MEIOC: variants seen among roughly 807,000 people sequenced by gnomAD.
The protein encoded by MEIOC is meiosis-specific coiled-coil domain-containing protein MEIOC.
In MEIOC, 9 loss-of-function variants were observed where a neutral mutation model predicts 85.3. The observed-to-expected ratio is 0.11, with a 90% CI of 0.06 to 0.18. MEIOC has a LOEUF of 0.18. Among genes scored for constraint, MEIOC ranks in the 10% least tolerant of loss-of-function variants. MEIOC has a pLI of 1.00. For missense variants in MEIOC, 898 were observed against 1,129.4 expected (o/e 0.80, Z 2.94); for synonymous variants, 365 against 393.7 (o/e 0.93, Z 0.86).
intron 2 of MEIOC, among the ~76,000 whole-genome samples, chr17:44,658,988 TG>T (rs1971809488): frequency 6.6e-6 from 1 of 152,098 alleles, no homozygotes; most frequent in Non-Finnish European, 1.5e-5. Flanking sequence ...AATTTAAAGG[TG>T]AAAATTTCAC....
intron 5 of MEIOC, among the ~76,000 whole-genome samples, chr17:44,669,127 C>A (rs576745513): frequency 2.2e-4 from 34 of 151,976 alleles, no homozygotes; most frequent in African/African-American, 8.0e-4. Context: ...CGCTTGAACC[C>A]GGGAAACGGA....
intron 2 of MEIOC, 39 bp downstream of exon 2, chr17:44,657,300 C>T: frequency 3.3e-6 from 5 of 1,528,990 alleles, no homozygotes; most frequent in Non-Finnish European, 4.4e-6. Flanking sequence ...ACGATTTATT[C>T]TCAAATGGAT....
intron 2 of MEIOC, among the ~76,000 whole-genome samples, chr17:44,661,643 C>T (rs1441862273): frequency 1.3e-5 from 2 of 152,000 alleles, no homozygotes; most frequent in Admixed American, 6.6e-5. Flanking sequence ...GCTCCGCCTC[C>T]CGGGTTCATG....
At position 44,674,069 on chromosome 17, in the gene MEIOC, CA is replaced by C; in HGVS notation, c.2737del (p.Thr913GlnfsTer8). 13 of 1,551,602 alleles carry C rather than the reference CA, an allele frequency of 8.4e-6. No homozygotes were observed. Among genetic ancestry groups the C allele is most frequent in the Non-Finnish European group, 1.0e-5 (12 of 1,146,998 alleles). ...ALWCALQMTL[P>X]KTASTADVVK... ...TGGTGTGCACTGCAGATGACCTTGC[CA>C]AAAACAGCCAGTACAGCTGATGTGG... On this transcript the variant is annotated frameshift_variant, in exon 8 of 8. Coordinates refer to ENST00000409122, the MANE Select transcript of MEIOC (RefSeq NM_001145080.3). LOFTEE classifies it high-confidence loss of function.
At chr17:44,665,540 T>A in intron 4 of MEIOC, 52 bp downstream of exon 4, 1 of 829,368 alleles carries the variant, frequency 1.2e-6, no homozygotes, top group South Asian at 3.2e-5. Context: ...TAACATACAC[T>A]AGTTTACCCT....
At position 44,668,038 on chromosome 17, in the gene MEIOC, A is replaced by G; in HGVS notation, c.2127A>G (p.Leu709=). The G allele has an allele frequency of 6.2e-7, 1 of 1,613,532 alleles. No homozygotes were observed. Among genetic ancestry groups the G allele is most frequent in the Non-Finnish European group, 8.5e-7 (1 of 1,179,592 alleles). The change falls in exon 5 of 8, where the codon TTA becomes TTG. Residue 709 remains leucine, a synonymous_variant. Transcript: ENST00000409122. ...SVVPLLDSYD[L]LSYDDLSHLY... is the part of the protein sequence containing the mutation. ...TTCCACTGTTGGATTCCTATGACTT[A>G]CTTTCTTATGATGACTTAAGCCATT...
rs1354912393 is a variant in MEIOC, at chr17:44,667,970, G to T, written c.2059G>T (p.Gly687Trp). Residue 687 changes from glycine to tryptophan, a missense_variant, in exon 5 of 8, where the codon GGG (glycine) becomes TGG (tryptophan). Around this residue, in one of 2 missense-constraint regions of MEIOC, gnomAD observed 734 missense variants for 860.1 expected, o/e 0.85. Coordinates refer to ENST00000409122, the MANE Select transcript of MEIOC (RefSeq NM_001145080.3). Reference protein sequence around the residue: ...NQCFQQLGSNGFPLRSTHPFG... With the variant: ...NQCFQQLGSNWFPLRSTHPFG... Reference sequence around the variant, plus strand: ...GTGTTTTCAACAACTTGGTTCAAATGGGTTTCCCCTAAGATCCACCCACCC... The same window carrying T: ...GTGTTTTCAACAACTTGGTTCAAATTGGTTTCCCCTAAGATCCACCCACCC... 1.2e-5 allele frequency: 20 copies of T among 1,613,794 alleles called. No individual in the cohort carries two copies. Among genetic ancestry groups the T allele is most frequent in the Non-Finnish European group, 1.5e-5 (18 of 1,179,796 alleles).
At chr17:44,665,561 T>C in intron 4 of MEIOC, 73 bp downstream of exon 4, 1 of 642,196 alleles carries the variant, frequency 1.6e-6, no homozygotes, top group Admixed American at 4.0e-5. Context: ...GTTTATTAAC[T>C]TTTATTTTTA....
Position 44,658,391 on chromosome 17 carries a change from G to A in MEIOC, c.204+1130G>A, listed in dbSNP as rs543579931. 3.3e-4 allele frequency among the ~76,000 whole-genome samples: 50 copies of A among 151,672 alleles called. 1 individual carries two copies. In the East Asian group the frequency reaches 9.6e-3, roughly 29 times the overall value. Reference sequence around the variant, plus strand: ...AGTATGGTCTCGATCTCCTGACCTCGTGATCCGCTCGCCTCAGCCTCCCAA... The same window carrying A: ...AGTATGGTCTCGATCTCCTGACCTCATGATCCGCTCGCCTCAGCCTCCCAA... On this transcript the variant is annotated intron_variant, in intron 2 of 7. Coordinates refer to ENST00000409122, the MANE Select transcript of MEIOC (RefSeq NM_001145080.3).
chr17:44,656,989 C>T (rs577932135), intron 1 of MEIOC, 138 bp from the exon 2 acceptor site: 1 of 1,019,902 alleles, frequency 9.8e-7, no homozygotes, highest in African/African-American at 1.6e-5. Context: ...GCTGGAAGCG[C>T]GGGCCCCCAC....
At chr17:44,670,275 A>G (rs1051551249) in intron 6 of MEIOC, 6 of 149,726 alleles carry the variant, frequency 4.0e-5, no homozygotes, top group African/African-American at 1.5e-4. Context: ...AAAAAAAAAA[A>G]AAAGAAAAAA....
At chr17:44,657,088 T>A (rs925401476) in intron 1 of MEIOC, 39 bp from the exon 2 acceptor site, 66 of 1,532,028 alleles carry the variant, frequency 4.3e-5, no homozygotes, top group Non-Finnish European at 5.4e-5. Flanking sequence ...GTCACCCTCG[T>A]GACCACTTTC....
In MEIOC at chr17:44,673,374, T is replaced by C. The variant is rs1461348370; in HGVS notation, c.2466T>C (p.Thr822=). The change falls in exon 7 of 8, where the codon ACT becomes ACC. Residue 822 remains threonine, a synonymous_variant. Transcript: ENST00000409122. ...TAAAATGCTTCCCTCAGGTTGTGAC[T>C]TTACTAGGCAAAATGGAACGTCTTC... ...DELRELARVV[T]LLGKMERLRS... 3.9e-6 allele frequency: 6 copies of C among 1,538,548 alleles called. No homozygotes were observed. In the Middle Eastern group the frequency reaches 5.1e-4, roughly 130 times the overall value.
At chr17:44,657,068 C>A in intron 1 of MEIOC, 59 bp from the exon 2 acceptor site, 1 of 1,514,538 alleles carries the variant, frequency 6.6e-7, no homozygotes, top group African/African-American at 1.4e-5. Context: ...CGGGCCGTTT[C>A]AGCTCCGGCG....
intron 7 of MEIOC, 23 bp downstream of exon 7, chr17:44,673,569 T>G (rs1397975572): frequency 1.3e-6 from 2 of 1,505,960 alleles, no homozygotes; most frequent in Non-Finnish European, 1.8e-6. Flanking sequence ...ATGCATATTC[T>G]TGTGATAAGT....
downstream of MEIOC, chr17:44,676,255 T>C (rs1186780782): frequency 1.3e-5 from 2 of 152,222 alleles, no homozygotes; most frequent in African/African-American, 4.8e-5. Flanking sequence ...AACATTGTAC[T>C]TCTGAATTAC....
intron 2 of MEIOC, among the ~76,000 whole-genome samples, chr17:44,660,053 A>T (rs1461585856): frequency 6.6e-6 from 1 of 152,140 alleles, no homozygotes; most frequent in Non-Finnish European, 1.5e-5. Flanking sequence ...TTGAAGATGG[A>T]TGATTGGAAG....
chr17:44,665,135 G>T, intron 3 of MEIOC: 1 of 1,032,088 alleles, frequency 9.7e-7, no homozygotes, highest in Non-Finnish European at 1.2e-6. Flanking sequence ...GGAGAAATAA[G>T]AGGTAAGCAT....
chr17:44,657,321 C>T (rs1971776649), intron 2 of MEIOC, 60 bp downstream of exon 2: 1 of 1,502,108 alleles, frequency 6.7e-7, no homozygotes, highest in Non-Finnish European at 9.0e-7. Context: ...TTACTCGAGC[C>T]ACCGATTCAT....
Sources: gnomAD v4.1 joint callset for allele counts (sites outside exome capture counted in the v4.1 genomes callset) on GRCh38, gnomAD v4.1.1 for gene constraint, gnomAD v4.1.1 regional missense constraint, MANE v1.5 for transcripts, NCBI Gene and HGNC (gene_info 2026-07-23, HGNC 2026-07-21) for gene names.